Variants in MCC observed in about 807,000 individuals in gnomAD.
The protein encoded by MCC is colorectal mutant cancer protein.
In MCC, 90 loss-of-function variants were observed where a neutral mutation model predicts 116.2. The ratio of observed to expected loss-of-function variants is 0.77; its 90% CI spans 0.65 to 0.92. The LOEUF (loss-of-function observed/expected upper bound fraction) is 0.92. MCC is among the 40% of genes least tolerant of loss of function. The probability of loss-of-function intolerance (pLI) is 0.00; values close to 1 mark genes in which losing one functional copy is unlikely to be tolerated. For missense variants in MCC, 1,516 were observed against 1,312.2 expected (o/e 1.16, Z -2.40); for synonymous variants, 578 against 510.5 (o/e 1.13, Z -1.78).
intron 3 of MCC, among the ~76,000 whole-genome samples, chr5:113,311,864 T>C (rs1256094213): frequency 1.3e-5 from 2 of 152,052 alleles, no homozygotes; most frequent in Admixed American, 6.5e-5. Flanking sequence ...TCCCAGCACT[T>C]TGGGAGGCTG....
chr5:113,042,474 C>CA (rs5870523), intron 17 of MCC, among the ~76,000 whole-genome samples: 2,429 of 67,912 alleles, frequency 0.036, 61 homozygotes, highest in Non-Finnish European at 0.047. Context: ...GACCCTCTCT[C>CA]AAAAAAAAAA....
At chr5:113,077,206 T>A (rs557256593) in intron 11 of MCC, among the ~76,000 whole-genome samples, 100 of 152,104 alleles carry the variant, frequency 6.6e-4, no homozygotes, top group Admixed American at 1.0e-3. Context: ...ACAATAATAA[T>A]GGAGACTTTA....
chr5:113,244,189 C>CATTA (rs1421866697), intron 3 of MCC, among the ~76,000 whole-genome samples: 4 of 152,144 alleles, frequency 2.6e-5, no homozygotes, highest in Non-Finnish European at 5.9e-5. Flanking sequence ...TCTCTCACCC[C>CATTA]CAAATAGCAT....
intron 6 of MCC, among the ~76,000 whole-genome samples, chr5:113,110,879 A>G (rs1757051223): frequency 6.6e-6 from 1 of 152,180 alleles, no homozygotes; most frequent in African/African-American, 2.4e-5. Flanking sequence ...TCCTTGTAAA[A>G]TGAGAAGATC....
intron 1 of MCC, among the ~76,000 whole-genome samples, chr5:113,408,723 T>C (rs774640291): frequency 3.9e-5 from 6 of 152,208 alleles, no homozygotes; most frequent in Non-Finnish European, 7.3e-5. Flanking sequence ...ACCACAAATG[T>C]AGACAAATCA....
At chr5:113,277,219 A>AC (rs1359405841) in intron 3 of MCC, among the ~76,000 whole-genome samples, 1 of 150,034 alleles carries the variant, frequency 6.7e-6, no homozygotes, top group Admixed American at 6.7e-5. Context: ...CAAAAAAAAA[A>AC]CAGCCAGACA....
intron 1 of MCC, among the ~76,000 whole-genome samples, chr5:113,392,274 T>G (rs562883142): frequency 1.3e-5 from 2 of 152,020 alleles, no homozygotes; most frequent in South Asian, 4.2e-4. Context: ...AATGGGCAAA[T>G]GACGTGAACA....
chr5:113,125,373 G>A (rs1757984696), intron 5 of MCC, among the ~76,000 whole-genome samples: 1 of 152,208 alleles, frequency 6.6e-6, no homozygotes, highest in Non-Finnish European at 1.5e-5. Flanking sequence ...ATAGTCATCA[G>A]AGGTGGAAAG....
intron 3 of MCC, among the ~76,000 whole-genome samples, chr5:113,206,767 T>C (rs964368640): frequency 2.6e-5 from 4 of 152,240 alleles, no homozygotes; most frequent in Non-Finnish European, 5.9e-5. Context: ...TTGAATCATC[T>C]TGTACTTAAA....
intron 1 of MCC, among the ~76,000 whole-genome samples, chr5:113,431,763 A>AAG (rs1770652866): frequency 2.5e-5 from 1 of 40,736 alleles, no homozygotes; most frequent in Non-Finnish European, 7.3e-5. Context: ...TGGGAGGCCA[A>AAG]GGGGGGGGGG....
At chr5:113,229,536 A>T (rs1763865184) in intron 3 of MCC, among the ~76,000 whole-genome samples, 1 of 152,160 alleles carries the variant, frequency 6.6e-6, no homozygotes, top group Non-Finnish European at 1.5e-5. Flanking sequence ...TACTGGCCCA[A>T]ACTTTTCTAA....
At chr5:113,131,249 C>A (rs939284130) in intron 5 of MCC, among the ~76,000 whole-genome samples, 22 of 152,050 alleles carry the variant, frequency 1.4e-4, no homozygotes, top group African/African-American at 3.9e-4. Context: ...CTTAGAAATC[C>A]TTTTTTATTT....
chr5:113,213,223 C>CT (rs1322876669), intron 3 of MCC, among the ~76,000 whole-genome samples: 1 of 152,150 alleles, frequency 6.6e-6, no homozygotes, highest in African/African-American at 2.4e-5. Flanking sequence ...AAAAAGTATG[C>CT]TCATAGAACT....
At chr5:113,346,941 GAAA>G (rs781393596) in intron 2 of MCC, among the ~76,000 whole-genome samples, 2 of 131,620 alleles carry the variant, frequency 1.5e-5, no homozygotes, top group East Asian at 4.3e-4. Flanking sequence ...AGTGCTGAAG[GAAA>G]AAAAAAAAAA....
At chr5:113,329,361 G>A (rs888747994) in intron 3 of MCC, among the ~76,000 whole-genome samples, 1 of 149,580 alleles carries the variant, frequency 6.7e-6, no homozygotes, top group Non-Finnish European at 1.5e-5. Flanking sequence ...TAAGAGTAAA[G>A]ATGGTGAATA....
At chr5:113,231,304 CTT>C (rs1763933882) in intron 3 of MCC, among the ~76,000 whole-genome samples, 1 of 152,294 alleles carries the variant, frequency 6.6e-6, no homozygotes, top group African/African-American at 2.4e-5. Flanking sequence ...ACTTCCAACT[CTT>C]TAATTTAGGA....
chr5:113,146,658 T>A lies in MCC; in HGVS notation c.742-3298A>T, dbSNP rs1759540061. 2.6e-5 allele frequency among the ~76,000 whole-genome samples: 4 copies of A among 152,264 alleles called. No homozygotes were observed. In the South Asian group the frequency reaches 8.3e-4, roughly 32 times the overall value. On this transcript the variant is annotated intron_variant, in intron 4 of 18. Coordinates refer to ENST00000408903, the MANE Select transcript of MCC (RefSeq NM_001085377.2). The stretch of plus-strand genomic sequence containing the variant: ...AGCTTTAGCTTCCAAAGTCAATTAT[T>A]CAGTGATAATTTACTTAGCGGCCTC...
At chr5:113,129,974 C>G (rs1417595085) in intron 5 of MCC, among the ~76,000 whole-genome samples, 1 of 152,180 alleles carries the variant, frequency 6.6e-6, no homozygotes, top group Non-Finnish European at 1.5e-5. Flanking sequence ...ACCCAGCAAT[C>G]CCATTACTGG....
At chr5:113,223,623 A>C (rs1432971453) in intron 3 of MCC, among the ~76,000 whole-genome samples, 1 of 152,114 alleles carries the variant, frequency 6.6e-6, no homozygotes, top group African/African-American at 2.4e-5. Flanking sequence ...TTTTTAAAGC[A>C]GGGATTAAAT....
Sources: gnomAD v4.1 joint callset for allele counts (sites outside exome capture counted in the v4.1 genomes callset) on GRCh38, gnomAD v4.1.1 for gene constraint, MANE v1.5 for transcripts, NCBI Gene and HGNC (gene_info 2026-07-23, HGNC 2026-07-21) for gene names.